Variants in UBAC1 observed in about 807,000 individuals in gnomAD.
UBAC1 encodes the protein UBA domain containing 1.
A neutral mutation model predicts 45.9 loss-of-function variants in UBAC1; 27 were observed. The ratio of observed to expected loss-of-function variants is 0.59; its 90% confidence interval spans 0.43 to 0.81. The LOEUF (loss-of-function observed/expected upper bound fraction) is 0.81, where lower values mean the gene tolerates loss of function less well. UBAC1 is among the 30% of genes least tolerant of loss of function. The pLI, the probability that UBAC1 is intolerant of heterozygous loss-of-function variation, is 0.00. For synonymous variants in UBAC1, 227 were observed against 215.5 expected, an observed-to-expected ratio of 1.05 and a Z score of -0.47; for missense variants, 529 against 539.2, an observed-to-expected ratio of 0.98 and a Z score of 0.19.
chr9:135,950,590 C>T (rs1282254920), intron 3 of UBAC1, among the ~76,000 whole-genome samples: 1 of 152,156 alleles, frequency 6.6e-6, no homozygotes, highest in Non-Finnish European at 1.5e-5. Flanking sequence ...ATCTATTTTG[C>T]TCACAGCTGA....
intron 5 of UBAC1, 55 bp from the exon 6 acceptor site, chr9:135,946,052 T>C: frequency 6.0e-6 from 9 of 1,491,398 alleles, no homozygotes. Context: ...AGGGGCCTTA[T>C]CTGAGCACAA....
At position 135,937,983 on chromosome 9, in the gene UBAC1, T is replaced by C. The variant is rs72771956; in HGVS notation, c.1102+239A>G. 5.9e-3 allele frequency among the ~76,000 whole-genome samples: 892 copies of C among 152,306 alleles called. 2 individuals carry two copies. Among genetic ancestry groups the C allele is most frequent in the Middle Eastern group, 0.017 (5 of 294 alleles). On this transcript the variant is annotated intron_variant, in intron 9 of 9. Coordinates refer to ENST00000371756, the MANE Select transcript of UBAC1 (RefSeq NM_016172.3). ...ACTGGCACTGGTTTTCTGAGGCCTA[T>C]GTCAGGGTCATCGCGCAGGAGACAG...
At chr9:135,937,007 C>T (rs938721716) in intron 9 of UBAC1, among the ~76,000 whole-genome samples, 13 of 152,202 alleles carry the variant, frequency 8.5e-5, no homozygotes, top group Admixed American at 1.3e-4. Flanking sequence ...GCAGGCCAAA[C>T]GCTGAGCGGA....
intron 1 of UBAC1, among the ~76,000 whole-genome samples, chr9:135,959,214 A>T (rs182677775): frequency 6.6e-5 from 10 of 152,150 alleles, no homozygotes; most frequent in Admixed American, 5.9e-4. Flanking sequence ...GGTCCACAGG[A>T]TATTTTTGTC....
chr9:135,939,635 C>G (rs765524905), intron 8 of UBAC1, 38 bp downstream of exon 8: 4 of 1,593,738 alleles, frequency 2.5e-6, no homozygotes, highest in Non-Finnish European at 3.4e-6. Flanking sequence ...CACTCACTCA[C>G]CACAGCCCAC....
chr9:135,956,575 G>A lies in UBAC1; in HGVS notation c.139-1160C>T, dbSNP rs116715104. On this transcript the variant is annotated intron_variant, in intron 1 of 9. Coordinates refer to ENST00000371756, the MANE Select transcript of UBAC1 (RefSeq NM_016172.3). ...TATCTACCTCAGCACCATACAGCCC[G>A]ACACACGACAGCACAGCACAGCACA... Among the ~76,000 whole-genome samples the A allele has an allele frequency of 4.5e-3, 686 of 152,062 alleles. 4 individuals carry two copies. Among genetic ancestry groups the A allele is most frequent in the African/African-American group, 0.015 (641 of 41,468 alleles).
chr9:135,936,624 G>A (rs368093917), intron 9 of UBAC1, among the ~76,000 whole-genome samples: 5 of 151,866 alleles, frequency 3.3e-5, no homozygotes, highest in African/African-American at 9.7e-5. Flanking sequence ...CTCCAGAGTA[G>A]CTGGGATTAC....
chr9:135,948,909 A>G (rs1159492751), intron 3 of UBAC1, among the ~76,000 whole-genome samples: 1 of 152,108 alleles, frequency 6.6e-6, no homozygotes, highest in African/African-American at 2.4e-5. Context: ...ATCTCTACTA[A>G]AAAGACAAAA....
In UBAC1 at chr9:135,955,256, G is replaced by A. The variant is rs201493161; in HGVS notation, c.259+39C>T. 1.4e-4 allele frequency: 218 copies of A among 1,513,566 alleles called. No individual in the cohort carries two copies. In the African/African-American group the frequency reaches 2.5e-3, roughly 17 times the overall value. The allele number at this position is 1,513,566 out of a possible 1,614,324, so 93.8% of individuals were successfully genotyped here. A position where few individuals can be genotyped will look rare whatever the true frequency, so the allele number is the denominator to read the frequency against. ...GGCTCCAGCGCCCCCAGCAGTGCAC[G>A]ATGCCTGCTGCCAACCCGCCCGCCC... is the stretch of plus-strand genomic sequence containing the variant. On this transcript the variant is annotated intron_variant, in intron 2 of 9. Coordinates refer to ENST00000371756, the MANE Select transcript of UBAC1 (RefSeq NM_016172.3).
At chr9:135,938,725 A>T (rs949404444) in intron 8 of UBAC1, among the ~76,000 whole-genome samples, 1 of 151,060 alleles carries the variant, frequency 6.6e-6, no homozygotes, top group Non-Finnish European at 1.5e-5. Context: ...TGTTATGGGC[A>T]GTCAGCAGTG....
At position 135,933,451 on chromosome 9, in the gene UBAC1, C is replaced by T; in HGVS notation, c.1167G>A (p.Gly389=). 6.2e-7 allele frequency: 1 copy of T among 1,614,140 alleles called. No individual in the cohort carries two copies. The highest frequency in any genetic ancestry group is 8.5e-7 in the Non-Finnish European group (1 of 1,180,034). The change falls in exon 10 of 10, where the codon GGG becomes GGA. Residue 389 remains glycine (G), a synonymous_variant. Coordinates refer to ENST00000371756, the MANE Select transcript of UBAC1 (RefSeq NM_016172.3). ...TTCTAGAGATCTGCAGCATGACAGG[C>T]CCCGTTTCTGGATCATTCATCCACT... The part of the protein sequence containing the change: ...STQWMNDPET[G]PVMLQISRIF...
intron 1 of UBAC1, 53 bp from the exon 2 acceptor site, chr9:135,955,468 T>C (rs892945017): frequency 2.4e-5 from 36 of 1,475,506 alleles, no homozygotes; most frequent in Middle Eastern, 1.8e-4. Context: ...GTAATTCTAA[T>C]AATATAGGAC....
Position 135,933,326 on chromosome 9 carries a change from G to A in UBAC1, c.*74C>T, listed in dbSNP as rs1839166289. On this transcript the variant is annotated 3_prime_UTR_variant, in exon 10 of 10. Transcript: ENST00000371756. ...AGGCGCTGAAGGTGAGTTTCCAGGTGAGGTCCACTCTGCCCGGTCTCGGGC... is the reference window on the plus strand; with the variant it reads ...AGGCGCTGAAGGTGAGTTTCCAGGTAAGGTCCACTCTGCCCGGTCTCGGGC... 4 of 1,244,772 alleles carry A rather than the reference G, an allele frequency of 3.2e-6. No individual in the cohort carries two copies. The highest frequency in any genetic ancestry group is 4.7e-6 in the Non-Finnish European group (4 of 848,464). The allele number at this position is 1,244,772 out of a possible 1,614,324, so 77.1% of individuals were successfully genotyped here. A position where few individuals can be genotyped will look rare whatever the true frequency, so the allele number is the denominator to read the frequency against.
intron 3 of UBAC1, among the ~76,000 whole-genome samples, chr9:135,952,024 C>T (rs766904899): frequency 5.3e-5 from 8 of 152,232 alleles, no homozygotes; most frequent in Admixed American, 1.3e-4. Context: ...TGAACACCAA[C>T]GGTCAAACTG....
At chr9:135,960,910 A>T in intron 1 of UBAC1, 115 bp downstream of exon 1, 1 of 915,112 alleles carries the variant, frequency 1.1e-6, no homozygotes. Flanking sequence ...AGGGCCTGGG[A>T]GCTGCGGACT....
chr9:135,953,412 G>A (rs1839429977), intron 3 of UBAC1, among the ~76,000 whole-genome samples: 1 of 152,158 alleles, frequency 6.6e-6, no homozygotes, highest in Non-Finnish European at 1.5e-5. Context: ...TGCCTCCCGG[G>A]TTCAAGAGAT....
intron 8 of UBAC1, among the ~76,000 whole-genome samples, 190 bp downstream of exon 8, chr9:135,939,481 TCA>T (rs141027492): frequency 0.17 from 24,280 of 142,644 alleles, 2,081 homozygotes; most frequent in South Asian, 0.27. Context: ...CAGCCCACAC[TCA>T]CTCACCACAG....
At chr9:135,952,295 C>T (rs1839414973) in intron 3 of UBAC1, among the ~76,000 whole-genome samples, 1 of 152,270 alleles carries the variant, frequency 6.6e-6, no homozygotes, top group African/African-American at 2.4e-5. Flanking sequence ...AAGAGTTTGA[C>T]CTGCTCTTTC....
intron 5 of UBAC1, 68 bp downstream of exon 5, chr9:135,946,201 G>A (rs1037389904): frequency 8.3e-7 from 1 of 1,208,270 alleles, no homozygotes; most frequent in African/African-American, 1.5e-5. Context: ...TCAGTGCGTG[G>A]AGCTGCAGAC....
Sources: allele counts gnomAD v4.1 joint callset (sites outside exome capture counted in the v4.1 genomes callset), GRCh38; gene constraint gnomAD v4.1.1; transcripts MANE v1.5; gene names NCBI Gene and HGNC (gene_info 2026-07-23, HGNC 2026-07-21).